Variants in ARHGAP22 observed in about 807,000 individuals in gnomAD.
ARHGAP22 encodes Rho GTPase activating protein 22.
A neutral mutation model predicts 59.1 loss-of-function variants in ARHGAP22; 48 were observed. That is an observed-to-expected ratio of 0.81 (90% confidence interval 0.64 to 1.03). The LOEUF is 1.03. Ranked by LOEUF, ARHGAP22 falls within the 50% of genes least tolerant of loss-of-function variation. The probability of loss-of-function intolerance (pLI) is 0.00; values close to 1 mark genes in which losing one functional copy is unlikely to be tolerated. For synonymous variants in ARHGAP22, 445 were observed against 416.4 expected, an observed-to-expected ratio of 1.07 and a Z score of -0.84; for missense variants, 1,015 against 958.7, an observed-to-expected ratio of 1.06 and a Z score of -0.78.
rs1044441363 is a variant in ARHGAP22 at position 48,557,862 on chromosome 10, G to A, written c.235-2312C>T. On this transcript the variant is annotated intron_variant, in intron 2 of 9. Transcript: ENST00000249601. ...GTGGGGGTTGGGGGCCTGGGGAGCA[G>A]AGGGAGTCTGCTCTCTGGTCCCTGG... Among the ~76,000 whole-genome samples the A allele has an allele frequency of 8.5e-5, 13 of 152,230 alleles. 1 individual carries two copies.
intron 1 of ARHGAP22, among the ~76,000 whole-genome samples, chr10:48,642,203 C>A (rs1242019251): frequency 3.3e-5 from 5 of 152,174 alleles, no homozygotes; most frequent in African/African-American, 9.7e-5. Flanking sequence ...CATCAAGCTA[C>A]CAATGACTTT....
chr10:48,618,262 A>G (rs987710914), intron 1 of ARHGAP22, among the ~76,000 whole-genome samples: 1 of 152,030 alleles, frequency 6.6e-6, no homozygotes, highest in African/African-American at 2.4e-5. Context: ...TCTACCAAAC[A>G]TTTAAAGAAG....
At chr10:48,548,121 C>T (rs1477862826) in intron 3 of ARHGAP22, among the ~76,000 whole-genome samples, 8 of 152,144 alleles carry the variant, frequency 5.3e-5, no homozygotes, top group East Asian at 1.9e-4. Context: ...TGAGCCATGC[C>T]GGGATTGCAG....
rs1279463453 is a variant in ARHGAP22 at position 48,493,164 on chromosome 10, C to T, written c.323-13400G>A. Reference sequence around the variant, plus strand: ...GGGCCATTATTTTGCCAACCACACTCTCAGGCATCCTGAGACCTGCCTGTG... The same window carrying T: ...GGGCCATTATTTTGCCAACCACACTTTCAGGCATCCTGAGACCTGCCTGTG... On this transcript the variant is annotated intron_variant, in intron 3 of 9. Transcript: ENST00000249601. Among the ~76,000 whole-genome samples the T allele has an allele frequency of 2.0e-5, 3 of 152,158 alleles. No individual in the cohort carries two copies. The East Asian group carries it at 5.8e-4, about 29-fold the overall frequency.
intron 1 of ARHGAP22, among the ~76,000 whole-genome samples, chr10:48,589,994 T>G (rs1210690106): frequency 2.6e-5 from 4 of 152,076 alleles, no homozygotes; most frequent in Non-Finnish European, 5.9e-5. Flanking sequence ...CCCACGGGCA[T>G]GTACAATTAT....
chr10:48,651,174 C>T (rs1200523498), intron 1 of ARHGAP22, among the ~76,000 whole-genome samples: 2 of 152,112 alleles, frequency 1.3e-5, no homozygotes, highest in Non-Finnish European at 2.9e-5. Flanking sequence ...GAGGGGGAGC[C>T]TGGGAATTTT....
At chr10:48,582,234 C>T (rs945226052) in intron 2 of ARHGAP22, among the ~76,000 whole-genome samples, 19 of 152,150 alleles carry the variant, frequency 1.2e-4, no homozygotes, top group African/African-American at 4.6e-4. Context: ...AGCAGCTTTT[C>T]GGACAAGTCC....
rs534092122 is a variant in ARHGAP22, at chr10:48,626,388, T to C, written c.52+25846A>G. ...CCAAGGACATCTACCCCTCAGTGTC[T>C]TTGTGAAAACTTGTGAAAAACAGAT... On this transcript the variant is annotated intron_variant, in intron 1 of 9. Transcript: ENST00000435790. 5.3e-5 allele frequency among the ~76,000 whole-genome samples: 8 copies of C among 152,300 alleles called. No homozygotes were observed. The South Asian group carries it at 1.4e-3, about 28-fold the overall frequency.
At position 48,448,046 on chromosome 10, in the gene ARHGAP22, A is replaced by G. The variant is rs539325471; in HGVS notation, c.1869-1427T>C. Among the ~76,000 whole-genome samples the G allele has an allele frequency of 1.6e-3, 237 of 149,914 alleles. 1 individual carries two copies. Among genetic ancestry groups the G allele is most frequent in the African/African-American group, 5.6e-3 (228 of 40,386 alleles). ...TGTCCCCTGGCAAGCTCTGCTCGGC[A>G]TGGCACCCAGGTGCACCTGTCAAAG... On this transcript the variant is annotated intron_variant, in intron 9 of 9. Coordinates refer to ENST00000249601, the MANE Select transcript of ARHGAP22 (RefSeq NM_021226.4).
chr10:48,467,463 T>C lies in ARHGAP22; in HGVS notation c.452-7572A>G, dbSNP rs1248853820. 2.6e-5 allele frequency among the ~76,000 whole-genome samples: 4 copies of C among 151,938 alleles called. No homozygotes were observed. The East Asian group carries it at 7.7e-4, about 29-fold the overall frequency. Reference sequence around the variant, plus strand: ...GGTAGGAGGGCAGAATTCTTTTTTTTTTTTTAGCTTGTACTGAATATTTAT... The same window carrying C: ...GGTAGGAGGGCAGAATTCTTTTTTTCTTTTTAGCTTGTACTGAATATTTAT... On this transcript the variant is annotated intron_variant, in intron 4 of 9. Transcript: ENST00000249601.
rs1256478688 is a variant in ARHGAP22, at chr10:48,459,741, T to C, written c.602A>G (p.Asn201Ser). The change falls in exon 5 of 10, where the codon AAC becomes AGC. Residue 201 changes from asparagine (N) to serine (S), a missense_variant. By Grantham distance (46) the Asn-to-Ser change is conservative. Coordinates refer to ENST00000249601, the MANE Select transcript of ARHGAP22 (RefSeq NM_021226.4). Reference sequence around the variant, plus strand: ...GGAATCCTGCAGGTCCCTCACCAGGTTGGCCTGGCCTGGCATGCGGAACAG... The same window carrying C: ...GGAATCCTGCAGGTCCCTCACCAGGCTGGCCTGGCCTGGCATGCGGAACAG... ...EGLFRMPGQA[N>S]LVRDLQDSFD... is the part of the protein sequence containing the mutation. The C allele has an allele frequency of 2.5e-6, 4 of 1,614,028 alleles. No individual in the cohort carries two copies. In the Admixed American group the frequency reaches 5.0e-5, roughly 20 times the overall value.
At chr10:48,633,097 C>A (rs2061684410) in intron 1 of ARHGAP22, among the ~76,000 whole-genome samples, 1 of 152,170 alleles carries the variant, frequency 6.6e-6, no homozygotes, top group South Asian at 2.1e-4. Flanking sequence ...AGAGTTTTTG[C>A]CAATTATGTT....
At chr10:48,545,630 T>A (rs148294425) in intron 3 of ARHGAP22, among the ~76,000 whole-genome samples, 11 of 152,302 alleles carry the variant, frequency 7.2e-5, no homozygotes, top group Non-Finnish European at 1.3e-4. Flanking sequence ...TGATCAGGGA[T>A]GCTCTGGGCA....
intron 1 of ARHGAP22, among the ~76,000 whole-genome samples, chr10:48,648,156 G>A (rs1220910470): frequency 6.6e-6 from 1 of 152,190 alleles, no homozygotes; most frequent in Non-Finnish European, 1.5e-5. Context: ...TAATTTAGCT[G>A]TGAACCTCGA....
rs778996502 is a variant in ARHGAP22 at position 48,453,346 on chromosome 10, T to C, written c.946A>G (p.Ile316Val). The change falls in exon 8 of 10, where the codon ATT (isoleucine) becomes GTT (valine). Residue 316 changes from isoleucine to valine, a missense_variant. Ile to Val is a conservative substitution (Grantham distance 29). Coordinates refer to ENST00000249601, the MANE Select transcript of ARHGAP22 (RefSeq NM_021226.4). ...QNLATVFGPN[I>V]LRPQVEDPVT... Reference sequence around the variant, plus strand: ...GGGTCCTCTACCTGTGGCCGCAGAATGTTAGGTCCAAAAACGGTTGCCAGA... The same window carrying C: ...GGGTCCTCTACCTGTGGCCGCAGAACGTTAGGTCCAAAAACGGTTGCCAGA... 1.9e-6 allele frequency: 3 copies of C among 1,613,934 alleles called. No individual in the cohort carries two copies. The highest frequency in any genetic ancestry group is 2.2e-5 in the South Asian group (2 of 91,092).
At chr10:48,440,017 C>T in the ARHGAP22 span, among the ~76,000 whole-genome samples, 3 of 152,178 alleles carry the variant, frequency 2.0e-5, no homozygotes, top group Non-Finnish European at 2.9e-5. Context: ...CCAGGAGAAA[C>T]GGTAGCAGAA....
intron 3 of ARHGAP22, among the ~76,000 whole-genome samples, chr10:48,514,206 C>T (rs976254900): frequency 2.6e-5 from 4 of 151,698 alleles, no homozygotes; most frequent in African/African-American, 9.7e-5. Context: ...AATGAGAGTC[C>T]TAGAAGGAGA....
chr10:48,492,576 G>A (rs923282004), intron 3 of ARHGAP22, among the ~76,000 whole-genome samples: 2 of 151,724 alleles, frequency 1.3e-5, no homozygotes, highest in African/African-American at 4.8e-5. Context: ...TTTTCAAGAT[G>A]GAGTTTCACT....
rs541075781 is a variant in ARHGAP22 at position 48,565,254 on chromosome 10, G to T, written c.235-9704C>A. On this transcript the variant is annotated intron_variant, in intron 2 of 9. Transcript: ENST00000249601. ...ATGGGGTAGTGGCATCTCCCTCACAGATCTCTGAGAATTAAACGGGATCAA... is the reference window on the plus strand; with the variant it reads ...ATGGGGTAGTGGCATCTCCCTCACATATCTCTGAGAATTAAACGGGATCAA... Among the ~76,000 whole-genome samples, 5 of 152,296 alleles carry T rather than the reference G, an allele frequency of 3.3e-5. No individual in the cohort carries two copies. In the South Asian group the frequency reaches 1.0e-3, roughly 32 times the overall value.
Sources: gnomAD v4.1 joint callset for allele counts (sites outside exome capture counted in the v4.1 genomes callset) on GRCh38, gnomAD v4.1.1 for gene constraint, MANE v1.5 for transcripts, NCBI Gene and HGNC (gene_info 2026-07-23, HGNC 2026-07-21) for gene names.